FAM13B: variants seen among roughly 807,000 people sequenced by gnomAD.
FAM13B encodes protein FAM13B.
FAM13B carries 60 observed loss-of-function variants against 117.3 expected under a neutral mutation model. That is an observed-to-expected ratio of 0.51 (90% CI 0.42 to 0.63). The LOEUF is 0.63. Ranked by LOEUF, FAM13B falls within the 30% of genes least tolerant of loss-of-function variation. FAM13B has a pLI of 0.00. For synonymous variants in FAM13B, 332 were observed against 356.1 expected (o/e 0.93, Z 0.76); for missense variants, 972 against 1,091.9 (o/e 0.89, Z 1.55).
chr5:137,978,679 A>G (rs1034653689), intron 10 of FAM13B, among the ~76,000 whole-genome samples: 2 of 152,052 alleles, frequency 1.3e-5, no homozygotes, highest in African/African-American at 4.8e-5. Context: ...GACATTCCCA[A>G]CTGCTATGGT....
upstream of FAM13B, among the ~76,000 whole-genome samples, chr5:138,037,586 A>G (rs942401763): frequency 2.6e-5 from 4 of 152,084 alleles, no homozygotes; most frequent in East Asian, 7.7e-4. Context: ...TCCATCCTTT[A>G]CATGAGTTTG....
chr5:137,966,310 G>A (rs961447243), intron 10 of FAM13B, among the ~76,000 whole-genome samples: 11 of 151,380 alleles, frequency 7.3e-5, no homozygotes, highest in South Asian at 2.1e-4. Flanking sequence ...GGTGGTACAC[G>A]CCTGTAATCC....
intron 11 of FAM13B, 121 bp downstream of exon 11, chr5:137,962,284 T>C: frequency 2.7e-6 from 2 of 733,300 alleles, no homozygotes; most frequent in Non-Finnish European, 4.5e-6. Context: ...ACAAGAAGGC[T>C]GTTTAAGATT....
At chr5:137,969,864 T>C (rs1771477485) in intron 10 of FAM13B, among the ~76,000 whole-genome samples, 1 of 152,124 alleles carries the variant, frequency 6.6e-6, no homozygotes, top group Non-Finnish European at 1.5e-5. Flanking sequence ...GTATCAGTGA[T>C]GGAAGATCAA....
At chr5:137,944,909 G>A (rs751160464) in intron 20 of FAM13B, among the ~76,000 whole-genome samples, 1 of 150,654 alleles carries the variant, frequency 6.6e-6, no homozygotes, top group Non-Finnish European at 1.5e-5. Flanking sequence ...GGGTACTCAT[G>A]GACATAAAAA....
Position 137,938,936 on chromosome 5 carries a change from AAC to A in FAM13B, c.*1287_*1288del, listed in dbSNP as rs1282266278. 3.9e-5 allele frequency: 6 copies of A among 152,212 alleles called. No individual in the cohort carries two copies. The highest frequency in any genetic ancestry group is 1.3e-4 in the Admixed American group (2 of 15,286). 9.4% of individuals were successfully genotyped at this position (152,212 alleles called of 1,614,324 possible). The stretch of plus-strand genomic sequence containing the variant: ...CAAAAAAGCACCAGAAAAAAAAGTT[AAC>A]ACTTAGATTAAGCCTGACCCAAATC... On this transcript the variant is annotated 3_prime_UTR_variant, in exon 24 of 24. Coordinates refer to ENST00000689681, the MANE Select transcript of FAM13B (RefSeq NM_001385994.1).
intron 17 of FAM13B, among the ~76,000 whole-genome samples, chr5:137,951,202 T>C (rs1421248819): frequency 1.5e-5 from 1 of 67,768 alleles, no homozygotes; most frequent in Non-Finnish European, 2.8e-5. Flanking sequence ...TAAAACCCTG[T>C]CTCAAACAAA....
At chr5:137,968,482 G>C (rs1581122613) in intron 10 of FAM13B, among the ~76,000 whole-genome samples, 1 of 151,724 alleles carries the variant, frequency 6.6e-6, no homozygotes, top group Admixed American at 6.6e-5. Flanking sequence ...TTTCAGCCTG[G>C]CTAACCAATA....
chr5:137,954,326 C>T lies in FAM13B; in HGVS notation c.1558G>A (p.Ala520Thr). Residue 520 changes from alanine (A) to threonine (T), a missense_variant, in exon 15 of 24, where the codon GCT becomes ACT. Transcript: ENST00000689681. ...SWQEDSESGEAQLSPQAGRMN... is the reference protein window; with the variant it reads ...SWQEDSESGETQLSPQAGRMN... ...CTTCCAGCTTGTGGAGACAGCTGAG[C>T]TTCTCCAGACTCAGAGTCCTCCTGC... 6.2e-7 allele frequency: 1 copy of T among 1,613,974 alleles called. No homozygotes were observed. Among genetic ancestry groups the T allele is most frequent in the African/African-American group, 1.3e-5 (1 of 74,992 alleles).
chr5:138,036,211 T>C (rs1330285162), upstream of FAM13B: 1 of 354,644 alleles, frequency 2.8e-6, no homozygotes, highest in Non-Finnish European at 5.6e-6. Context: ...AGTAAAGTGT[T>C]TTGTCCAAAC....
intron 4 of FAM13B, among the ~76,000 whole-genome samples, chr5:138,015,151 G>C (rs1419836372): frequency 6.6e-6 from 1 of 152,152 alleles, no homozygotes; most frequent in Non-Finnish European, 1.5e-5. Context: ...AGAGGTCAGG[G>C]ATGCTGCTAA....
intron 10 of FAM13B, among the ~76,000 whole-genome samples, chr5:137,974,619 T>G (rs1002106443): frequency 6.6e-4 from 40 of 60,342 alleles, no homozygotes; most frequent in African/African-American, 2.6e-3. Flanking sequence ...TAATAATAAA[T>G]AAAAAAAAGA....
intron 10 of FAM13B, among the ~76,000 whole-genome samples, chr5:137,970,349 C>T (rs976532787): frequency 9.2e-5 from 14 of 151,882 alleles, no homozygotes; most frequent in Non-Finnish European, 4.4e-5. Context: ...AATTTCATAT[C>T]CAGCCAAACT....
At chr5:137,962,983 C>G (rs542057342) in intron 10 of FAM13B, among the ~76,000 whole-genome samples, 10 of 152,258 alleles carry the variant, frequency 6.6e-5, no homozygotes, top group African/African-American at 2.4e-4. Context: ...TATTCCCCCC[C>G]AAACTAAAAA....
chr5:137,959,816 C>G, intron 12 of FAM13B, 53 bp from the exon 13 acceptor site: 1 of 1,552,214 alleles, frequency 6.4e-7, no homozygotes, highest in Non-Finnish European at 8.8e-7. Context: ...TTTTCACACC[C>G]AGCTTAAACA....
intron 13 of FAM13B, among the ~76,000 whole-genome samples, chr5:137,958,743 G>C (rs756686684): frequency 3.9e-5 from 6 of 152,148 alleles, no homozygotes; most frequent in Non-Finnish European, 5.9e-5. Context: ...CATTTTATTT[G>C]AAAGTTTACA....
At chr5:137,964,634 T>C (rs779591630) in intron 10 of FAM13B, among the ~76,000 whole-genome samples, 4 of 151,788 alleles carry the variant, frequency 2.6e-5, no homozygotes, top group Non-Finnish European at 4.4e-5. Flanking sequence ...GACAGGAGAA[T>C]TGCTTGAACC....
chr5:138,006,099 G>A (rs906322790), intron 7 of FAM13B, among the ~76,000 whole-genome samples: 2 of 151,868 alleles, frequency 1.3e-5, no homozygotes, highest in South Asian at 2.1e-4. Context: ...GGGTTTCACC[G>A]TGTTAGCCAG....
chr5:138,048,638 G>A (rs1258378004), intron 1 of FAM13B, among the ~76,000 whole-genome samples: 1 of 152,124 alleles, frequency 6.6e-6, no homozygotes, highest in Non-Finnish European at 1.5e-5. Context: ...TTTTTGCAGT[G>A]GCCAAATTGT....
Sources: allele counts gnomAD v4.1 joint callset (sites outside exome capture counted in the v4.1 genomes callset), GRCh38; gene constraint gnomAD v4.1.1; transcripts MANE v1.5; gene names NCBI Gene and HGNC (gene_info 2026-07-23, HGNC 2026-07-21).